Variants in SYNE3 observed in about 807,000 individuals in gnomAD.
SYNE3 encodes the protein nesprin-3.
SYNE3 carries 100 observed loss-of-function variants against 111.2 expected under a neutral mutation model. That is an observed-to-expected ratio of 0.90 (90% CI 0.77 to 1.06). The LOEUF is 1.06. Ranked by LOEUF, SYNE3 falls within the 50% of genes least tolerant of loss-of-function variation. SYNE3 has a pLI of 0.00. For synonymous variants in SYNE3, 547 were observed against 533.9 expected, an observed-to-expected ratio of 1.02 and a Z score of -0.34; for missense variants, 1,160 against 1,240.3, an observed-to-expected ratio of 0.94 and a Z score of 0.97.
At position 95,417,529 on chromosome 14, in the gene SYNE3, A is replaced by G; in HGVS notation, c.*297T>C. 1 of 401,376 alleles carries G rather than the reference A, an allele frequency of 2.5e-6. No individual in the cohort carries two copies. The allele number at this position is 401,376 out of a possible 1,614,324, so 24.9% of individuals were successfully genotyped here. A position where few individuals can be genotyped will look rare whatever the true frequency, so the allele number is the denominator to read the frequency against. On this transcript the variant is annotated 3_prime_UTR_variant, in exon 18 of 18. Transcript: ENST00000682763. Reference sequence around the variant, plus strand: ...GGGAGCCATTGCTAGGAATTTTCCCAACTCCAAATAGAACTCGTATATGAA... The same window carrying G: ...GGGAGCCATTGCTAGGAATTTTCCCGACTCCAAATAGAACTCGTATATGAA...
chr14:95,422,701 G>T (rs72692749), intron 17 of SYNE3, among the ~76,000 whole-genome samples: 29,679 of 152,132 alleles, frequency 0.2, 3,123 homozygotes, highest in East Asian at 0.29. Context: ...TGGGACGGTG[G>T]GAGGAGGCCC....
chr14:95,510,166 C>G (rs1418823586), intron 1 of SYNE3, among the ~76,000 whole-genome samples: 2 of 152,204 alleles, frequency 1.3e-5, no homozygotes, highest in Admixed American at 1.3e-4. Context: ...ATGTAAAGTT[C>G]TCTCTTATTA....
intron 8 of SYNE3, among the ~76,000 whole-genome samples, chr14:95,446,404 T>C (rs1450202186): frequency 6.6e-6 from 1 of 152,092 alleles, no homozygotes; most frequent in Non-Finnish European, 1.5e-5. Context: ...CCGACTGCAG[T>C]GCACCCTCAG....
chr14:95,461,071 A>C (rs2139456837), intron 4 of SYNE3, among the ~76,000 whole-genome samples: 1 of 152,380 alleles, frequency 6.6e-6, no homozygotes, highest in South Asian at 2.1e-4. Flanking sequence ...GTGCTGGAGA[A>C]TGACGGGGTG....
At chr14:95,438,886 G>T in intron 14 of SYNE3, 147 bp downstream of exon 14, 1 of 1,129,790 alleles carries the variant, frequency 8.9e-7, no homozygotes, top group Non-Finnish European at 1.3e-6. Flanking sequence ...CCACAGCTGG[G>T]GCAGGCTCAA....
chr14:95,514,517 CCTT>C (rs1365224347), intron 1 of SYNE3, among the ~76,000 whole-genome samples: 2 of 152,236 alleles, frequency 1.3e-5, no homozygotes, highest in East Asian at 1.9e-4. Flanking sequence ...AACTGTGACA[CCTT>C]CTCACATGTG....
intron 4 of SYNE3, among the ~76,000 whole-genome samples, chr14:95,459,619 T>C (rs1262471986): frequency 2.0e-5 from 3 of 152,216 alleles, no homozygotes; most frequent in Non-Finnish European, 4.4e-5. Flanking sequence ...AACGGGTAAG[T>C]GCATCTGAAA....
chr14:95,506,441 G>A (rs146609014), intron 1 of SYNE3, among the ~76,000 whole-genome samples: 54 of 152,346 alleles, frequency 3.5e-4, no homozygotes, highest in African/African-American at 1.1e-3. Flanking sequence ...GCACACGGGC[G>A]CAGGCTTGGC....
At position 95,470,183 on chromosome 14, in the gene SYNE3, G is replaced by A. The variant is rs1318881310; in HGVS notation, c.145-2216C>T. The stretch of plus-strand genomic sequence containing the variant: ...ATGGGGAAAACAAAAGTACCATAGT[G>A]GCCAGTGTGGCCTGAAGACCCAAGG... On this transcript the variant is annotated intron_variant, in intron 2 of 17. Transcript: ENST00000682763. This position sits in a 1 kb window ranked among gnomAD's most constrained non-coding sequence, Gnocchi z 4.2. Among the ~76,000 whole-genome samples the A allele has an allele frequency of 1.3e-5, 2 of 152,244 alleles. No homozygotes were observed. The highest frequency in any genetic ancestry group is 3.9e-4 in the East Asian group (2 of 5,184).
At position 95,455,660 on chromosome 14, in the gene SYNE3, C is replaced by A; in HGVS notation, c.854G>T (p.Gly285Val). ...CAAAGGAGAGGTGTTCCGAATGACA[C>A]CCGCAGACTGCTCCTCCAGCGTCTC... is the stretch of plus-strand genomic sequence containing the variant. ...SLETLEEQSA[G>V]VIRNTSPLGA... Residue 285 changes from glycine (G) to valine (V), a missense_variant, in exon 6 of 18, where the codon GGT becomes GTT. By Grantham distance (109) the Gly-to-Val change is moderately radical. Transcript: ENST00000682763. 5 of 1,614,238 alleles carry A rather than the reference C, an allele frequency of 3.1e-6. No individual in the cohort carries two copies. Among genetic ancestry groups the A allele is most frequent in the Non-Finnish European group, 4.2e-6 (5 of 1,180,050 alleles).
At chr14:95,452,897 T>G (rs1887183169) in intron 6 of SYNE3, among the ~76,000 whole-genome samples, 1 of 152,222 alleles carries the variant, frequency 6.6e-6, no homozygotes, top group South Asian at 2.1e-4. Flanking sequence ...CCGGTTATTA[T>G]TCTCGGCAGG....
chr14:95,464,428 G>GC (rs1196639654), intron 4 of SYNE3, among the ~76,000 whole-genome samples: 1 of 152,026 alleles, frequency 6.6e-6, no homozygotes, highest in Admixed American at 6.6e-5. Flanking sequence ...GTGGCTGCCC[G>GC]CCCCCACTAG....
chr14:95,503,489 A>T (rs1490597383), intron 1 of SYNE3, among the ~76,000 whole-genome samples: 3 of 152,084 alleles, frequency 2.0e-5, no homozygotes, highest in Non-Finnish European at 4.4e-5. Flanking sequence ...CAGCCAGTAT[A>T]TGACAAGTTT....
At chr14:95,514,783 T>C (rs1489779527) in intron 1 of SYNE3, among the ~76,000 whole-genome samples, 1 of 152,208 alleles carries the variant, frequency 6.6e-6, no homozygotes, top group Admixed American at 6.5e-5. Flanking sequence ...AGCTGCCCAG[T>C]GGGTTCCCAA....
chr14:95,419,639 A>G (rs1747020), intron 17 of SYNE3, among the ~76,000 whole-genome samples: 43,350 of 138,006 alleles, frequency 0.31, 6,886 homozygotes, highest in African/African-American at 0.43. Context: ...ATGGCGATGG[A>G]GGTGATGGCA....
intron 2 of SYNE3, among the ~76,000 whole-genome samples, chr14:95,475,185 G>C (rs2139510143): frequency 6.6e-6 from 1 of 152,370 alleles, no homozygotes; most frequent in Non-Finnish European, 1.5e-5. Context: ...AGGTGGGGTG[G>C]GTAAAGCCAG....
At chr14:95,501,185 G>T (rs1431042699) in intron 1 of SYNE3, among the ~76,000 whole-genome samples, 2 of 152,206 alleles carry the variant, frequency 1.3e-5, no homozygotes, top group African/African-American at 4.8e-5. Flanking sequence ...GCTGGCAGGG[G>T]CTCAGGTGAC....
At chr14:95,481,333 C>T (rs1595244515) in intron 1 of SYNE3, among the ~76,000 whole-genome samples, 1 of 152,156 alleles carries the variant, frequency 6.6e-6, no homozygotes, top group African/African-American at 2.4e-5. Context: ...GAGTCAAGGT[C>T]CAATCAGCAG....
chr14:95,452,129 A>G (rs7144636), intron 7 of SYNE3, 118 bp downstream of exon 7: 543,272 of 1,259,984 alleles, frequency 0.43, 119,802 homozygotes, highest in Admixed American at 0.66. Context: ...ATTGAGAGGT[A>G]CAAAGAATGA....
Sources: allele counts gnomAD v4.1 joint callset (sites outside exome capture counted in the v4.1 genomes callset), GRCh38; gene constraint gnomAD v4.1.1; non-coding constraint Gnocchi (gnomAD v3.1); transcripts MANE v1.5; gene names NCBI Gene and HGNC (gene_info 2026-07-23, HGNC 2026-07-21).